METTL6: variants seen among roughly 807,000 people sequenced by gnomAD.
METTL6 encodes the protein methyltransferase 6, tRNA N3-cytidine, also known as tRNA N(3)-cytidine methyltransferase METTL6.
In METTL6, 22 loss-of-function variants were observed where a neutral mutation model predicts 26.4. That is an observed-to-expected ratio of 0.83 (90% CI 0.59 to 1.19). The LOEUF is 1.19. Ranked by LOEUF, METTL6 falls within the 50% of genes most tolerant of loss-of-function variation. The probability of loss-of-function intolerance (pLI) is 0.00; values close to 1 mark genes in which losing one functional copy is unlikely to be tolerated. For missense variants in METTL6, 304 were observed against 324.8 expected (o/e 0.94, Z 0.49); for synonymous variants, 109 against 116.2 (o/e 0.94, Z 0.40).
chr3:15,381,994 A>G (rs1699091535), exon 7 of METTL6: 1 of 151,444 alleles, frequency 6.6e-6, no homozygotes, highest in Non-Finnish European at 1.5e-5. Flanking sequence ...ACTCAGCATC[A>G]TTCTTGGACC....
intron 6 of METTL6, among the ~76,000 whole-genome samples, chr3:15,391,849 T>C (rs1471606686): frequency 1.3e-5 from 2 of 152,142 alleles, no homozygotes; most frequent in African/African-American, 2.4e-5. Flanking sequence ...TATGGCTGCA[T>C]AGTATTCCAT....
intron 3 of METTL6, among the ~76,000 whole-genome samples, chr3:15,419,475 A>G (rs779141995): frequency 2.6e-5 from 4 of 152,228 alleles, no homozygotes; most frequent in African/African-American, 4.8e-5. Flanking sequence ...AACTATTGCT[A>G]TCAACCTTCC....
intron 4 of METTL6, among the ~76,000 whole-genome samples, chr3:15,415,274 A>G (rs987689768): frequency 4.6e-5 from 7 of 152,252 alleles, no homozygotes; most frequent in African/African-American, 1.7e-4. Context: ...TTATTCTCAC[A>G]TGAGACACGG....
At chr3:15,387,154 C>A (rs916849651) in intron 6 of METTL6, among the ~76,000 whole-genome samples, 1 of 152,140 alleles carries the variant, frequency 6.6e-6, no homozygotes, top group Admixed American at 6.5e-5. Context: ...CTGGCTACAA[C>A]CAATTGTTAT....
chr3:15,390,154 A>C (rs1427340491), intron 6 of METTL6, among the ~76,000 whole-genome samples: 1 of 152,116 alleles, frequency 6.6e-6, no homozygotes, highest in African/African-American at 2.4e-5. Context: ...GCTAGGGGAC[A>C]CAATGGGTCA....
At chr3:15,399,454 A>ACAACTGT (rs1699578584) in intron 6 of METTL6, 1 of 151,558 alleles carries the variant, frequency 6.6e-6, no homozygotes, top group African/African-American at 2.4e-5. Context: ...CTTTCCGGTA[A>ACAACTGT]CAATTGTGCC....
At chr3:15,400,680 T>C (rs1025837475) in intron 6 of METTL6, among the ~76,000 whole-genome samples, 1 of 152,172 alleles carries the variant, frequency 6.6e-6, no homozygotes, top group Non-Finnish European at 1.5e-5. Flanking sequence ...CTTTTTTTGG[T>C]AATGTAAAAG....
intron 5 of METTL6, among the ~76,000 whole-genome samples, 197 bp from the exon 6 acceptor site, chr3:15,411,634 A>G (rs1006955890): frequency 1.2e-4 from 19 of 152,210 alleles, no homozygotes; most frequent in African/African-American, 4.3e-4. Context: ...CCTCCAATTA[A>G]ACAATTAAAT....
intron 6 of METTL6, among the ~76,000 whole-genome samples, chr3:15,397,532 G>C (rs890954404): frequency 2.6e-5 from 4 of 152,080 alleles, no homozygotes; most frequent in African/African-American, 9.7e-5. Flanking sequence ...GATGCACCCG[G>C]TACCTCAGTT....
downstream of METTL6, among the ~76,000 whole-genome samples, chr3:15,407,933 CTT>C (rs1699844911): frequency 2.0e-5 from 3 of 152,238 alleles, no homozygotes; most frequent in South Asian, 6.2e-4. Flanking sequence ...TGAACTTGAT[CTT>C]GTTTCCTTCT....
chr3:15,395,861 T>G (rs1176861856), intron 6 of METTL6, among the ~76,000 whole-genome samples: 2 of 152,266 alleles, frequency 1.3e-5, no homozygotes, highest in Non-Finnish European at 2.9e-5. Context: ...TGCTGAGAGA[T>G]CAGCTGTTAG....
At chr3:15,416,018 AG>A in intron 3 of METTL6, 76 bp from the exon 4 acceptor site, 1 of 1,333,682 alleles carries the variant, frequency 7.5e-7, no homozygotes, top group South Asian at 1.4e-5. Flanking sequence ...CAACATCAAA[AG>A]GCGATCCAAT....
At chr3:15,394,433 C>G (rs1273449305) in intron 6 of METTL6, among the ~76,000 whole-genome samples, 3 of 152,156 alleles carry the variant, frequency 2.0e-5, no homozygotes, top group African/African-American at 7.2e-5. Flanking sequence ...TTTTGTTGAT[C>G]TTTTCAAAAA....
chr3:15,414,481 G>T (rs188830621), intron 4 of METTL6: 1 of 440,842 alleles, frequency 2.3e-6, no homozygotes, highest in Non-Finnish European at 3.3e-6. Context: ...TCAGCCTCCC[G>T]AGTAGCTGGG....
chr3:15,416,235 C>G (rs1226834919), intron 3 of METTL6, among the ~76,000 whole-genome samples: 1 of 152,028 alleles, frequency 6.6e-6, no homozygotes, highest in Admixed American at 6.6e-5. Context: ...GATGATGATC[C>G]AAAACTGGCC....
intron 4 of METTL6, among the ~76,000 whole-genome samples, chr3:15,415,167 C>T (rs777873261): frequency 6.6e-6 from 1 of 152,212 alleles, no homozygotes; most frequent in African/African-American, 2.4e-5. Flanking sequence ...AGCTCAATCA[C>T]GGTGCTAATG....
intron 6 of METTL6, chr3:15,399,479 TGGGTGAC>T (rs932785638): frequency 2.0e-5 from 3 of 151,016 alleles, no homozygotes; most frequent in African/African-American, 7.3e-5. Context: ...CACTCCAGCC[TGGGTGAC>T]GGGAGTGAGA....
At chr3:15,385,444 A>T (rs557458110) in intron 6 of METTL6, among the ~76,000 whole-genome samples, 1 of 152,282 alleles carries the variant, frequency 6.6e-6, no homozygotes, top group East Asian at 1.9e-4. Context: ...CTAAAAATAC[A>T]AAACATAGCT....
chr3:15,391,638 T>G, intron 6 of METTL6, among the ~76,000 whole-genome samples: 1 of 128,182 alleles, frequency 7.8e-6, no homozygotes. Flanking sequence ...CCTAATGCTA[T>G]CCCTCCCCCC....
Sources: allele counts gnomAD v4.1 joint callset (sites outside exome capture counted in the v4.1 genomes callset), GRCh38; gene constraint gnomAD v4.1.1; transcripts MANE v1.5; gene names NCBI Gene and HGNC (gene_info 2026-07-23, HGNC 2026-07-21).